The following CACNG3 variants were observed in gnomAD, a reference collection of about 807,000 sequenced individuals.
The protein encoded by CACNG3 is calcium voltage-gated channel auxiliary subunit gamma 3.
Under a neutral mutation model 28.5 loss-of-function variants are expected in CACNG3, and 3 were observed. That is an observed-to-expected ratio of 0.11 (90% CI 0.05 to 0.27). The LOEUF is 0.27. Among genes scored for constraint, CACNG3 ranks in the 10% least tolerant of loss-of-function variants. The pLI, the probability that CACNG3 is intolerant of heterozygous loss-of-function variation, is 1.00. For synonymous variants in CACNG3, 174 were observed against 162.2 expected, an observed-to-expected ratio of 1.07 and a Z score of -0.55; for missense variants, 236 against 414.4, an observed-to-expected ratio of 0.57 and a Z score of 3.74.
intron 1 of CACNG3, among the ~76,000 whole-genome samples, chr16:24,343,227 C>T (rs956256136): frequency 5.3e-5 from 8 of 151,888 alleles, no homozygotes; most frequent in Admixed American, 1.3e-4. Context: ...CTAGTGACTG[C>T]GTCTCCAGGA....
chr16:24,317,648 A>AAAGATAGAAAG (rs1491194402), intron 1 of CACNG3, among the ~76,000 whole-genome samples: 1 of 55,718 alleles, frequency 1.8e-5, no homozygotes, highest in Non-Finnish European at 3.3e-5. Context: ...GAAAGAAAAG[A>AAAGATAGAAAG]AAAGAAAGAA....
chr16:24,289,166 C>G (rs1415319543), intron 1 of CACNG3, among the ~76,000 whole-genome samples: 1 of 152,136 alleles, frequency 6.6e-6, no homozygotes, highest in Non-Finnish European at 1.5e-5. Flanking sequence ...CAGGGCTCTG[C>G]AGAAAGGAAA....
rs1413242281 is a variant in CACNG3 at position 24,351,875 on chromosome 16, C to T, written c.296-2958C>T. On this transcript the variant is annotated intron_variant, in intron 2 of 3. Transcript: ENST00000005284. ...TTTGAGACAGAATCTCGCAGTGGCG[C>T]GATCTCGGCTCACTGCAAGCTCTGC... is the stretch of plus-strand genomic sequence containing the variant. 8.6e-5 allele frequency among the ~76,000 whole-genome samples: 12 copies of T among 139,374 alleles called. No individual in the cohort carries two copies. The East Asian group carries it at 2.0e-3, about 23-fold the overall frequency. 91.4% of individuals were successfully genotyped at this position (139,374 alleles called of 152,430 possible). A position where few individuals can be genotyped will look rare whatever the true frequency, so the allele number is the denominator to read the frequency against.
rs1389391765 is a variant in CACNG3, at chr16:24,285,878, C to G, written c.211+28913C>G. On this transcript the variant is annotated intron_variant, in intron 1 of 3. Transcript: ENST00000005284. ...TTTTTTTTTGAGATAGGGTCTCGCT[C>G]TGTCACCCAGGCTGGAGAGCAGTGG... 1.4e-5 allele frequency among the ~76,000 whole-genome samples: 2 copies of G among 142,634 alleles called. 1 individual carries two copies. The highest frequency in any genetic ancestry group is 4.4e-4 in the South Asian group (2 of 4,582). 93.6% of individuals were successfully genotyped at this position (142,634 alleles called of 152,430 possible). A position where few individuals can be genotyped will look rare whatever the true frequency, so the allele number is the denominator to read the frequency against.
At position 24,361,737 on chromosome 16, in the gene CACNG3, C is replaced by T. The variant is rs1475402829; in HGVS notation, c.822C>T (p.Ile274=). 1.2e-6 allele frequency: 2 copies of T among 1,613,982 alleles called. No individual in the cohort carries two copies. Among genetic ancestry groups the T allele is most frequent in the Non-Finnish European group, 1.7e-6 (2 of 1,180,026 alleles). The change falls in exon 4 of 4, where the codon ATC becomes ATT. Residue 274 remains isoleucine (I), a synonymous_variant. Transcript: ENST00000005284. The surrounding 1 kb of genome is among the most constrained non-coding windows in gnomAD (Gnocchi z 6.8). ...CCCTCTCCCGGGACCCCTCAAAGAT[C>T]ACCATGGGGACCCTCCTCAACTCCG... The part of the protein sequence containing the change: ...MFTLSRDPSK[I]TMGTLLNSDR...
At chr16:24,286,091 C>T (rs1163538951) in intron 1 of CACNG3, among the ~76,000 whole-genome samples, 6 of 152,044 alleles carry the variant, frequency 3.9e-5, no homozygotes, top group Non-Finnish European at 7.4e-5. Flanking sequence ...CAATCCCTAA[C>T]TTGATTTTTT....
intron 1 of CACNG3, among the ~76,000 whole-genome samples, chr16:24,283,152 C>A (rs527241231): frequency 6.6e-6 from 1 of 152,148 alleles, no homozygotes; most frequent in South Asian, 2.1e-4. Flanking sequence ...TAGAAGAGCG[C>A]CTTCTTCTCT....
intron 1 of CACNG3, among the ~76,000 whole-genome samples, chr16:24,275,757 C>T (rs1418183051): frequency 6.6e-6 from 1 of 152,120 alleles, no homozygotes; most frequent in African/African-American, 2.4e-5. Flanking sequence ...TCCCTGTGAG[C>T]CAATGTGATT....
At chr16:24,307,084 C>T (rs1899196277) in intron 1 of CACNG3, among the ~76,000 whole-genome samples, 1 of 152,160 alleles carries the variant, frequency 6.6e-6, no homozygotes, top group Non-Finnish European at 1.5e-5. Flanking sequence ...AGAGGTTCAT[C>T]TAGCTTGCCT....
intron 1 of CACNG3, among the ~76,000 whole-genome samples, chr16:24,267,701 G>T (rs912723984): frequency 6.6e-5 from 10 of 152,026 alleles, no homozygotes; most frequent in Admixed American, 1.3e-4. Flanking sequence ...GCAGAGTCTC[G>T]CTCTGTTGCC....
Position 24,330,470 on chromosome 16 carries a change from A to G in CACNG3, c.212-16264A>G, listed in dbSNP as rs139873535. Among the ~76,000 whole-genome samples the G allele has an allele frequency of 8.0e-3, 1,224 of 152,314 alleles. 20 individuals carry two copies. Among genetic ancestry groups the G allele is most frequent in the African/African-American group, 0.028 (1,154 of 41,576 alleles). On this transcript the variant is annotated intron_variant, in intron 1 of 3. Coordinates refer to ENST00000005284, the MANE Select transcript of CACNG3 (RefSeq NM_006539.4). ...TATGACAATACTGTGTGTCCATCTG[A>G]CGACAGAGGCTGGAGCACCTCCTGA...
In CACNG3 at chr16:24,352,254, T is replaced by C. The variant is rs1249107477; in HGVS notation, c.296-2579T>C. ...ATATGGAGGTTAAAGGCTTGAACAC[T>C]GAGCAATGTGAACTAAGCTTTGAAC... On this transcript the variant is annotated intron_variant, in intron 2 of 3. Transcript: ENST00000005284. Among the ~76,000 whole-genome samples the C allele has an allele frequency of 2.0e-5, 3 of 152,092 alleles. No homozygotes were observed. In the East Asian group the frequency reaches 5.8e-4, roughly 29 times the overall value.
At chr16:24,309,304 G>T (rs1193281001) in intron 1 of CACNG3, among the ~76,000 whole-genome samples, 1 of 152,174 alleles carries the variant, frequency 6.6e-6, no homozygotes, top group East Asian at 1.9e-4. Context: ...TGAGATAAGG[G>T]AGTCTCAGAG....
chr16:24,318,627 G>A (rs977405889), intron 1 of CACNG3, among the ~76,000 whole-genome samples: 5 of 152,150 alleles, frequency 3.3e-5, no homozygotes, highest in African/African-American at 1.2e-4. Context: ...ACCTCCCAGC[G>A]ATAGTGGCTC....
intron 1 of CACNG3, among the ~76,000 whole-genome samples, chr16:24,317,648 A>AAAGAAAGGAAAAG (rs1491194402): frequency 9.5e-4 from 53 of 55,730 alleles, no homozygotes; most frequent in Non-Finnish European, 1.3e-3. Context: ...GAAAGAAAAG[A>AAAGAAAGGAAAAG]AAAGAAAGAA....
chr16:24,257,858 A>G (rs1183843479), intron 1 of CACNG3, among the ~76,000 whole-genome samples: 1 of 152,226 alleles, frequency 6.6e-6, no homozygotes, highest in Non-Finnish European at 1.5e-5. Context: ...GTAGCCTATC[A>G]CACTATTAAA....
At chr16:24,344,028 C>G (rs1899824931) in intron 1 of CACNG3, among the ~76,000 whole-genome samples, 2 of 151,906 alleles carry the variant, frequency 1.3e-5, no homozygotes, top group South Asian at 4.2e-4. Context: ...AGCAGTGAGC[C>G]AAGATTGCGT....
At chr16:24,276,545 A>G (rs772973257) in intron 1 of CACNG3, among the ~76,000 whole-genome samples, 19 of 152,226 alleles carry the variant, frequency 1.2e-4, no homozygotes, top group Non-Finnish European at 2.2e-4. Context: ...ATTTCCTTCT[A>G]GTTCTGTCTT....
chr16:24,304,842 A>T (rs1222390132), intron 1 of CACNG3, among the ~76,000 whole-genome samples: 2 of 152,148 alleles, frequency 1.3e-5, no homozygotes, highest in Admixed American at 6.5e-5. Context: ...GATTACAGGC[A>T]TGAGCCACCG....
Sources: gnomAD v4.1 joint callset for allele counts (sites outside exome capture counted in the v4.1 genomes callset) on GRCh38, gnomAD v4.1.1 for gene constraint, Gnocchi (gnomAD v3.1) non-coding constraint, MANE v1.5 for transcripts, NCBI Gene and HGNC (gene_info 2026-07-23, HGNC 2026-07-21) for gene names.